Variants in MLLT10 observed in about 807,000 individuals in gnomAD.
MLLT10 encodes protein AF-10.
Under a neutral mutation model 129.1 loss-of-function variants are expected in MLLT10, and 30 were observed. The observed-to-expected ratio is 0.23, with a 90% confidence interval of 0.17 to 0.32. MLLT10 has a LOEUF of 0.32. Ranked by LOEUF, MLLT10 falls within the 10% of genes least tolerant of loss-of-function variation. The probability of loss-of-function intolerance (pLI) is 1.00; values close to 1 mark genes in which losing one functional copy is unlikely to be tolerated. For missense variants in MLLT10, 1,119 were observed against 1,268.3 expected (o/e 0.88, Z 1.79); for synonymous variants, 490 against 446.4 (o/e 1.10, Z -1.23).
At chr10:21,564,591 T>A (rs1717564536) in intron 3 of MLLT10, 1 of 152,146 alleles carries the variant, frequency 6.6e-6, no homozygotes, top group South Asian at 2.1e-4. Flanking sequence ...TACCTTTATA[T>A]GTCCTCTGTT....
intron 3 of MLLT10, among the ~76,000 whole-genome samples, chr10:21,563,027 C>T (rs1403642500): frequency 2.0e-5 from 3 of 151,828 alleles, no homozygotes; most frequent in Non-Finnish European, 2.9e-5. Context: ...CCATGTTGGT[C>T]AGGCTGGTCT....
intron 10 of MLLT10, among the ~76,000 whole-genome samples, chr10:21,672,144 C>T (rs1349457798): frequency 6.6e-6 from 1 of 150,410 alleles, no homozygotes; most frequent in Non-Finnish European, 1.5e-5. Flanking sequence ...CAGGTTAACA[C>T]ACTAACCTGT....
Position 21,596,874 on chromosome 10 carries a change from C to T in MLLT10, c.405+1434C>T, listed in dbSNP as rs543453980. Reference sequence around the variant, plus strand: ...TAACATTTGGTTTTTAATTTTGTTACGTCTTCATAGCTTTTGTTGTTGGGA... The same window carrying T: ...TAACATTTGGTTTTTAATTTTGTTATGTCTTCATAGCTTTTGTTGTTGGGA... On this transcript the variant is annotated intron_variant, in intron 5 of 22. Transcript: ENST00000307729. Among the ~76,000 whole-genome samples, 36 of 151,208 alleles carry T rather than the reference C, an allele frequency of 2.4e-4. No individual in the cohort carries two copies. The South Asian group carries it at 6.0e-3, about 25-fold the overall frequency.
chr10:21,567,476 C>T (rs147338018), intron 3 of MLLT10, among the ~76,000 whole-genome samples: 1 of 152,238 alleles, frequency 6.6e-6, no homozygotes, highest in East Asian at 1.9e-4. Context: ...GGGAGGGATG[C>T]CTTATTACTG....
In MLLT10 at chr10:21,553,244, A is replaced by G. The variant is rs114122695; in HGVS notation, c.240+14332A>G. On this transcript the variant is annotated intron_variant, in intron 3 of 22. Coordinates refer to ENST00000307729, the MANE Select transcript of MLLT10 (RefSeq NM_001195626.3). ...TACATAGAATTCTTGGTTGGAAATCATTTTCCGTCAGAATTTGAAGATATT... is the reference window on the plus strand; with the variant it reads ...TACATAGAATTCTTGGTTGGAAATCGTTTTCCGTCAGAATTTGAAGATATT... Among the ~76,000 whole-genome samples, 826 of 151,920 alleles carry G rather than the reference A, an allele frequency of 5.4e-3. 5 individuals are homozygous for G. The highest frequency in any genetic ancestry group is 0.019 in the African/African-American group (773 of 41,420).
chr10:21,587,559 T>G (rs1208160785), intron 4 of MLLT10, among the ~76,000 whole-genome samples: 1 of 151,978 alleles, frequency 6.6e-6, no homozygotes, highest in African/African-American at 2.4e-5. Flanking sequence ...TTTCTACAGC[T>G]CAGTACTATT....
chr10:21,542,448 T>C (rs1037117693), intron 3 of MLLT10, among the ~76,000 whole-genome samples: 1 of 152,168 alleles, frequency 6.6e-6, no homozygotes, highest in Non-Finnish European at 1.5e-5. Flanking sequence ...TGAGCGCCTG[T>C]AATCCCAGCT....
chr10:21,609,970 A>G (rs1177952867), intron 5 of MLLT10, among the ~76,000 whole-genome samples: 1 of 152,152 alleles, frequency 6.6e-6, no homozygotes, highest in Non-Finnish European at 1.5e-5. Flanking sequence ...CCTGTTAAAA[A>G]ACAAAGTCTG....
chr10:21,651,903 C>CTT (rs775460288), intron 9 of MLLT10, 135 bp downstream of exon 9: 1,916 of 133,506 alleles, frequency 0.014, 111 homozygotes, highest in African/African-American at 0.023. Context: ...ATTCTCATTT[C>CTT]TTTTTTTTTT....
chr10:21,654,125 C>T (rs1328118494), intron 9 of MLLT10, among the ~76,000 whole-genome samples: 1 of 152,132 alleles, frequency 6.6e-6, no homozygotes, highest in Non-Finnish European at 1.5e-5. Flanking sequence ...TCATTACTGA[C>T]CTTGAACAGT....
At chr10:21,587,911 A>G (rs1345846452) in intron 4 of MLLT10, among the ~76,000 whole-genome samples, 1 of 152,090 alleles carries the variant, frequency 6.6e-6, no homozygotes, top group African/African-American at 2.4e-5. Context: ...ACTTTCTTGC[A>G]TATCTTTCTA....
intron 2 of MLLT10, among the ~76,000 whole-genome samples, chr10:21,535,557 C>A (rs1156258438): frequency 6.6e-6 from 1 of 152,166 alleles, no homozygotes; most frequent in Non-Finnish European, 1.5e-5. Context: ...TAGTTTATTT[C>A]TGGTTGTTAA....
At chr10:21,625,053 G>A in intron 8 of MLLT10, 1 of 871,054 alleles carries the variant, frequency 1.1e-6, no homozygotes, top group South Asian at 1.6e-5. Context: ...CTTGATAGAT[G>A]TGGTAATCAT....
intron 3 of MLLT10, among the ~76,000 whole-genome samples, chr10:21,562,817 TG>T (rs67510499): frequency 0.079 from 8,776 of 111,128 alleles, 2,048 homozygotes; most frequent in Non-Finnish European, 0.11. Flanking sequence ...TTGTTTTTTT[TG>T]TTTTTTTTTT....
intron 11 of MLLT10, among the ~76,000 whole-genome samples, chr10:21,678,329 T>C (rs1242948786): frequency 6.6e-6 from 1 of 152,146 alleles, no homozygotes; most frequent in East Asian, 1.9e-4. Flanking sequence ...AGTCTCCATC[T>C]CTTGACCTCA....
intron 8 of MLLT10, among the ~76,000 whole-genome samples, chr10:21,649,026 A>G (rs1056457494): frequency 6.6e-6 from 1 of 152,188 alleles, no homozygotes; most frequent in Non-Finnish European, 1.5e-5. Flanking sequence ...TTGGGTGAAG[A>G]CACAGCCAAA....
intron 13 of MLLT10, among the ~76,000 whole-genome samples, chr10:21,694,295 T>C (rs1033785563): frequency 3.3e-5 from 5 of 152,224 alleles, no homozygotes; most frequent in African/African-American, 1.2e-4. Flanking sequence ...GTCAATGTTT[T>C]TGGAGATCAC....
intron 16 of MLLT10, 58 bp downstream of exon 16, chr10:21,727,986 T>C (rs2057656991): frequency 1.4e-6 from 2 of 1,428,644 alleles, no homozygotes; most frequent in Non-Finnish European, 2.0e-6. Context: ...ATTTGGAAAC[T>C]TTCTTATCTC....
chr10:21,735,321 GA>G, intron 21 of MLLT10, 86 bp downstream of exon 21: 1 of 1,164,174 alleles, frequency 8.6e-7, no homozygotes, highest in African/African-American at 1.5e-5. Context: ...TCTCCTTTGT[GA>G]AATAACATTA....
Sources: gnomAD v4.1 joint callset for allele counts (sites outside exome capture counted in the v4.1 genomes callset) on GRCh38, gnomAD v4.1.1 for gene constraint, MANE v1.5 for transcripts, NCBI Gene and HGNC (gene_info 2026-07-23, HGNC 2026-07-21) for gene names.